The following GRM1 variants were observed in gnomAD, a reference collection of about 807,000 sequenced individuals.
GRM1 encodes metabotropic glutamate receptor 1.
A neutral mutation model predicts 90.9 loss-of-function variants in GRM1; 33 were observed. That is an observed-to-expected ratio of 0.36 (90% CI 0.28 to 0.49). The LOEUF (loss-of-function observed/expected upper bound fraction) is 0.49. GRM1 is among the 20% of genes least tolerant of loss of function. GRM1 has a pLI of 0.99. For synonymous variants in GRM1, 700 were observed against 613.2 expected, an observed-to-expected ratio of 1.14 and a Z score of -2.09; for missense variants, 1,190 against 1,534.3, an observed-to-expected ratio of 0.78 and a Z score of 3.75.
At chr6:146,276,587 A>C (rs1456637167) in intron 2 of GRM1, among the ~76,000 whole-genome samples, 3 of 152,178 alleles carry the variant, frequency 2.0e-5, no homozygotes, top group East Asian at 3.8e-4. Flanking sequence ...TGTAGAGACA[A>C]AGAAAAAAAA....
intron 2 of GRM1, among the ~76,000 whole-genome samples, chr6:146,297,607 A>T (rs1322303161): frequency 7.9e-5 from 12 of 152,210 alleles, no homozygotes; most frequent in Admixed American, 7.9e-4. Flanking sequence ...AAATGGCAGG[A>T]TCTAGAAATT....
intron 2 of GRM1, among the ~76,000 whole-genome samples, chr6:146,183,151 ATCTATCG>A (rs1371169781): frequency 6.6e-6 from 1 of 152,072 alleles, no homozygotes; most frequent in Non-Finnish European, 1.5e-5. Context: ...TTACCATATC[ATCTATCG>A]TCTAGTCACT....
chr6:146,030,341 C>T (rs1340164473), intron 1 of GRM1, 124 bp downstream of exon 1: 2 of 749,756 alleles, frequency 2.7e-6, no homozygotes, highest in East Asian at 2.6e-5. Flanking sequence ...TTACCCTTCT[C>T]AGTACTGCCC....
At chr6:146,270,791 T>C (rs967531666) in intron 2 of GRM1, among the ~76,000 whole-genome samples, 1 of 152,134 alleles carries the variant, frequency 6.6e-6, no homozygotes, top group Non-Finnish European at 1.5e-5. Flanking sequence ...TTTTTAATAT[T>C]GTACCCACTA....
At chr6:146,314,212 A>G (rs1220291316) in intron 3 of GRM1, among the ~76,000 whole-genome samples, 1 of 151,190 alleles carries the variant, frequency 6.6e-6, no homozygotes, top group Non-Finnish European at 1.5e-5. Context: ...GATTACAGGC[A>G]TGTGCTACCA....
At chr6:146,036,763 T>A (rs1350725322) in intron 1 of GRM1, among the ~76,000 whole-genome samples, 1 of 151,938 alleles carries the variant, frequency 6.6e-6, no homozygotes, top group Non-Finnish European at 1.5e-5. Context: ...AGCCTTAATT[T>A]GTAGTAGAAG....
intron 1 of GRM1, among the ~76,000 whole-genome samples, chr6:146,146,046 G>A (rs1777082196): frequency 7.3e-6 from 1 of 137,216 alleles, no homozygotes; most frequent in Admixed American, 7.4e-5. Flanking sequence ...CTTTCTTTTG[G>A]CTTATTTCTT....
chr6:146,302,770 A>T (rs1397675078), intron 2 of GRM1, among the ~76,000 whole-genome samples: 2 of 151,974 alleles, frequency 1.3e-5, no homozygotes. Flanking sequence ...AGTGAGTCTT[A>T]TTCTCATTTG....
intron 7 of GRM1, among the ~76,000 whole-genome samples, chr6:146,423,428 G>A (rs80265293): frequency 0.02 from 2,957 of 151,620 alleles, 40 homozygotes; most frequent in South Asian, 0.031. Context: ...AGTGAAAGTC[G>A]GAGACCAAAC....
At chr6:146,376,772 G>T (rs1357615390) in intron 5 of GRM1, among the ~76,000 whole-genome samples, 3 of 152,032 alleles carry the variant, frequency 2.0e-5, no homozygotes, top group Non-Finnish European at 4.4e-5. Flanking sequence ...GGTTCAAACT[G>T]CTCAGAGTTC....
chr6:146,081,292 CAAGTT>C (rs965278336), intron 1 of GRM1, among the ~76,000 whole-genome samples: 1 of 152,014 alleles, frequency 6.6e-6, no homozygotes, highest in African/African-American at 2.4e-5. Context: ...TTCAAAATAA[CAAGTT>C]AAGAAGCTAC....
intron 5 of GRM1, among the ~76,000 whole-genome samples, chr6:146,369,501 G>A (rs187193288): frequency 1.3e-5 from 2 of 151,536 alleles, no homozygotes; most frequent in East Asian, 3.9e-4. Context: ...ATATACTGTA[G>A]GTTTTGGTAT....
chr6:146,032,887 T>G (rs1310035182), intron 1 of GRM1, among the ~76,000 whole-genome samples: 1 of 152,212 alleles, frequency 6.6e-6, no homozygotes, highest in Non-Finnish European at 1.5e-5. Context: ...TCATATTGTT[T>G]TTGAATGGTA....
At chr6:146,319,319 T>C (rs530196008) in intron 3 of GRM1, among the ~76,000 whole-genome samples, 13 of 152,274 alleles carry the variant, frequency 8.5e-5, no homozygotes, top group Non-Finnish European at 1.5e-4. Flanking sequence ...TTCTGTTCCA[T>C]TGGTTAATAT....
At chr6:146,258,063 T>G (rs1219333741) in intron 2 of GRM1, among the ~76,000 whole-genome samples, 1 of 152,156 alleles carries the variant, frequency 6.6e-6, no homozygotes, top group Non-Finnish European at 1.5e-5. Context: ...TGCCCAGCAG[T>G]TACTGTTGTA....
chr6:146,434,981 C>CA lies in GRM1; in HGVS notation c.*191dup. The CA allele has an allele frequency of 1.6e-6, 1 of 608,120 alleles. No homozygotes were observed. Among genetic ancestry groups the CA allele is most frequent in the Non-Finnish European group, 2.9e-6 (1 of 345,914 alleles). 37.7% of individuals were successfully genotyped at this position (608,120 alleles called of 1,614,324 possible). ...TAGGAAGAGAGGGAAGGACACCAAGCAAAAAATGTTCCAGGCCAGGATTCG... is the reference window on the plus strand; with the variant it reads ...TAGGAAGAGAGGGAAGGACACCAAGCAAAAAAATGTTCCAGGCCAGGATTCG... On this transcript the variant is annotated 3_prime_UTR_variant, in exon 8 of 8. Transcript: ENST00000282753.
intron 2 of GRM1, among the ~76,000 whole-genome samples, chr6:146,213,528 A>G (rs540767300): frequency 1.3e-5 from 2 of 152,306 alleles, no homozygotes; most frequent in African/African-American, 4.8e-5. Context: ...TTGTACATAT[A>G]TTCCCACTGA....
chr6:146,405,528 G>A (rs558038751), intron 7 of GRM1, among the ~76,000 whole-genome samples: 3 of 152,250 alleles, frequency 2.0e-5, no homozygotes, highest in South Asian at 4.1e-4. Context: ...TCACAGTTCC[G>A]GAGGCTGAAA....
chr6:146,395,132 T>C (rs1776881799), intron 6 of GRM1, among the ~76,000 whole-genome samples: 1 of 152,100 alleles, frequency 6.6e-6, no homozygotes, highest in Admixed American at 6.6e-5. Context: ...AGCAGAGACC[T>C]TTTAGTTGGT....
Sources: gnomAD v4.1 joint callset for allele counts (sites outside exome capture counted in the v4.1 genomes callset) on GRCh38, gnomAD v4.1.1 for gene constraint, MANE v1.5 for transcripts, NCBI Gene and HGNC (gene_info 2026-07-23, HGNC 2026-07-21) for gene names.